Variants in PSPC1 observed in about 807,000 individuals in gnomAD.
PSPC1 encodes paraspeckle component 1.
A neutral mutation model predicts 51.6 loss-of-function variants in PSPC1; 14 were observed. The ratio of observed to expected loss-of-function variants is 0.27; its 90% CI spans 0.18 to 0.42. PSPC1 has a LOEUF of 0.42. Ranked by LOEUF, PSPC1 falls within the 10% of genes least tolerant of loss-of-function variation. The probability of loss-of-function intolerance (pLI) is 1.00; values close to 1 mark genes in which losing one functional copy is unlikely to be tolerated. For synonymous variants in PSPC1, 193 were observed against 231.9 expected (o/e 0.83, Z 1.53); for missense variants, 406 against 701.1 (o/e 0.58, Z 4.75).
chr13:19,719,869 C>A (rs1302444984), intron 6 of PSPC1, among the ~76,000 whole-genome samples: 1 of 152,010 alleles, frequency 6.6e-6, no homozygotes, highest in Non-Finnish European at 1.5e-5. Flanking sequence ...TTTTAAGAGA[C>A]GGGCCTCTCA....
intron 1 of PSPC1, among the ~76,000 whole-genome samples, chr13:19,775,645 A>G (rs1889038554): frequency 6.6e-6 from 1 of 152,254 alleles, no homozygotes; most frequent in Non-Finnish European, 1.5e-5. Flanking sequence ...CACTAGTAAC[A>G]GTAGTAGCAG....
At position 19,736,477 on chromosome 13, in the gene PSPC1, A is replaced by G. The variant is rs561869045; in HGVS notation, c.1052+5088T>C. Among the ~76,000 whole-genome samples, 7 of 152,046 alleles carry G rather than the reference A, an allele frequency of 4.6e-5. No individual in the cohort carries two copies. In the East Asian group the frequency reaches 1.2e-3, roughly 25 times the overall value. ...GGCGGGCGGATCACAAGGTCAGCAG[A>G]TCGAGACCATCCTGGCTAACACAGT... On this transcript the variant is annotated intron_variant, in intron 5 of 8. Coordinates refer to ENST00000338910, the MANE Select transcript of PSPC1 (RefSeq NM_001354909.2).
chr13:19,692,663 A>C (rs907455886), intron 6 of PSPC1, among the ~76,000 whole-genome samples: 6 of 152,050 alleles, frequency 3.9e-5, no homozygotes, highest in African/African-American at 1.4e-4. Flanking sequence ...CAGCTACATC[A>C]ATCACCTCAC....
intron 6 of PSPC1, among the ~76,000 whole-genome samples, chr13:19,687,809 T>C (rs1191908825): frequency 1.3e-5 from 2 of 152,266 alleles, no homozygotes; most frequent in East Asian, 3.9e-4. Context: ...CCTAGGTATA[T>C]AGTGACTGCA....
rs10608480 is a variant in PSPC1, at chr13:19,731,408, TTTGTTG to T, written c.1053-1070_1053-1065del. Among the ~76,000 whole-genome samples the T allele has an allele frequency of 9.3e-5, 14 of 151,118 alleles. No homozygotes were observed. The East Asian group carries it at 1.4e-3, about 15-fold the overall frequency. ...AACCTGAAATGCTCCAAAATCTGGA[TTTGTTG>T]TTGTTGTTGTTGTTGTTGAGACAGG... On this transcript the variant is annotated intron_variant, in intron 5 of 8. Transcript: ENST00000338910.
chr13:19,706,308 C>G (rs1157907236), intron 7 of PSPC1, among the ~76,000 whole-genome samples: 2 of 151,216 alleles, frequency 1.3e-5, no homozygotes, highest in African/African-American at 4.9e-5. Flanking sequence ...AAATAAAGAT[C>G]ATTATAACTA....
At chr13:19,712,392 C>T (rs1881552983) in intron 6 of PSPC1, among the ~76,000 whole-genome samples, 1 of 152,134 alleles carries the variant, frequency 6.6e-6, no homozygotes, top group African/African-American at 2.4e-5. Flanking sequence ...AGGGCATAAA[C>T]AATCTTTTTT....
chr13:19,700,093 A>T (rs889392668), downstream of PSPC1, among the ~76,000 whole-genome samples: 1 of 152,064 alleles, frequency 6.6e-6, no homozygotes, highest in South Asian at 2.1e-4. Context: ...TTTCAATCAT[A>T]TATGTCCTTT....
chr13:19,684,097 G>A (rs1239773221), intron 6 of PSPC1, among the ~76,000 whole-genome samples: 3 of 152,134 alleles, frequency 2.0e-5, no homozygotes, highest in African/African-American at 2.4e-5. Context: ...GCAAGCGCTC[G>A]TTAGGAAGTG....
chr13:19,683,125 T>G (rs1877468433), intron 6 of PSPC1, among the ~76,000 whole-genome samples: 1 of 151,992 alleles, frequency 6.6e-6, no homozygotes, highest in South Asian at 2.1e-4. Flanking sequence ...TAAGAGTTTC[T>G]AAGAAACATA....
At chr13:19,718,806 A>G (rs1882424860) in intron 6 of PSPC1, among the ~76,000 whole-genome samples, 1 of 152,244 alleles carries the variant, frequency 6.6e-6, no homozygotes, top group African/African-American at 2.4e-5. Flanking sequence ...GAAATGAGCT[A>G]TCAACCCATG....
rs1350093141 is a variant in PSPC1, at chr13:19,782,541, G to T, written c.217C>A (p.Pro73Thr). 6.2e-7 allele frequency: 1 copy of T among 1,612,964 alleles called. No individual in the cohort carries two copies. The change falls in exon 1 of 9, where the codon CCG becomes ACG. Residue 73 changes from proline (P) to threonine (T), a missense_variant. Physicochemically the swap from Pro to Thr is conservative, Grantham distance 38. This residue lies in a region of PSPC1 where 128 missense variants were observed against 107.1 expected (regional missense o/e 1.20). Transcript: ENST00000338910. The surrounding 1 kb of genome is among the most constrained non-coding windows in gnomAD (Gnocchi z 4.5). ...CGCTGCGTGTACGTCTTCTCGCCCG[G>T]CTTGAGGAAACTCTTGATGTCGATA... ...FTIDIKSFLKPGEKTYTQRCR... is the reference protein window; with the variant it reads ...FTIDIKSFLKTGEKTYTQRCR...
At chr13:19,731,146 C>T (rs1168772246) in intron 5 of PSPC1, among the ~76,000 whole-genome samples, 5 of 151,942 alleles carry the variant, frequency 3.3e-5, no homozygotes, top group Non-Finnish European at 7.4e-5. Flanking sequence ...ATTCATCAAC[C>T]CACTGAAAGA....
chr13:19,733,197 C>CACTG (rs1330001125), intron 5 of PSPC1, among the ~76,000 whole-genome samples: 7 of 152,140 alleles, frequency 4.6e-5, no homozygotes, highest in Non-Finnish European at 7.3e-5. Context: ...AGACAAGGTT[C>CACTG]ACTGACACCT....
chr13:19,735,856 CT>C (rs992753089), intron 5 of PSPC1, among the ~76,000 whole-genome samples: 5 of 152,026 alleles, frequency 3.3e-5, no homozygotes, highest in Non-Finnish European at 7.4e-5. Flanking sequence ...GCAGTCCCCT[CT>C]GTCACCCAGG....
chr13:19,733,090 G>T (rs562424844), intron 5 of PSPC1, among the ~76,000 whole-genome samples: 1 of 152,262 alleles, frequency 6.6e-6, no homozygotes, highest in African/African-American at 2.4e-5. Flanking sequence ...AGAAATGTAC[G>T]CACAAATGTG....
intron 1 of PSPC1, among the ~76,000 whole-genome samples, chr13:19,773,874 T>C (rs1888846152): frequency 6.6e-6 from 1 of 152,072 alleles, no homozygotes; most frequent in Non-Finnish European, 1.5e-5. Flanking sequence ...CATGCTGGTC[T>C]CTCGAACTCC....
rs141355940 is a variant in PSPC1, at chr13:19,770,499, A to C, written c.674+1743T>G. Among the ~76,000 whole-genome samples the C allele has an allele frequency of 4.8e-3, 738 of 152,180 alleles. 8 individuals are homozygous for C. Among genetic ancestry groups the C allele is most frequent in the African/African-American group, 0.017 (716 of 41,526 alleles). On this transcript the variant is annotated intron_variant, in intron 2 of 8. Transcript: ENST00000338910. ...ACATGGTGAAACCCCGTCTCTACAA[A>C]AATACGGGCCAGGCATGGTGGCTCA...
intron 3 of PSPC1, among the ~76,000 whole-genome samples, chr13:19,757,520 G>A (rs1423655942): frequency 1.3e-5 from 2 of 152,304 alleles, no homozygotes; most frequent in East Asian, 3.9e-4. Context: ...GTGGAGAGAT[G>A]AGGCAGGAAA....
Sources: gnomAD v4.1 joint callset for allele counts (sites outside exome capture counted in the v4.1 genomes callset) on GRCh38, gnomAD v4.1.1 for gene constraint, gnomAD v4.1.1 regional missense constraint, Gnocchi (gnomAD v3.1) non-coding constraint, MANE v1.5 for transcripts, NCBI Gene and HGNC (gene_info 2026-07-23, HGNC 2026-07-21) for gene names.